The following PHC3 variants were observed in gnomAD, a reference collection of about 807,000 sequenced individuals.
PHC3 encodes polyhomeotic homolog 3, also known as polyhomeotic-like protein 3.
PHC3 carries 13 observed loss-of-function variants against 107.4 expected under a neutral mutation model. The observed-to-expected ratio is 0.12, with a 90% confidence interval of 0.08 to 0.19. The LOEUF (loss-of-function observed/expected upper bound fraction) is 0.19. Ranked by LOEUF, PHC3 falls within the 10% of genes least tolerant of loss-of-function variation. The probability of loss-of-function intolerance (pLI) is 1.00; values close to 1 mark genes in which losing one functional copy is unlikely to be tolerated. For synonymous variants in PHC3, 456 were observed against 427.4 expected, an observed-to-expected ratio of 1.07 and a Z score of -0.83; for missense variants, 992 against 1,210.9, an observed-to-expected ratio of 0.82 and a Z score of 2.68.
At chr3:170,116,510 T>G (rs992900353) in intron 10 of PHC3, among the ~76,000 whole-genome samples, 2 of 152,118 alleles carry the variant, frequency 1.3e-5, no homozygotes, top group Non-Finnish European at 2.9e-5. Context: ...GAGGTTGCAG[T>G]GAGCTGAAAC....
chr3:170,125,915 C>T (rs1250791053), intron 8 of PHC3: 1 of 837,244 alleles, frequency 1.2e-6, no homozygotes, highest in Non-Finnish European at 1.4e-6. Flanking sequence ...TACTGTTTAG[C>T]TCATAACTAT....
Position 170,091,008 on chromosome 3 carries a change from C to T in PHC3, c.*6222G>A, listed in dbSNP as rs1714039272. The stretch of plus-strand genomic sequence containing the variant: ...TTACTTTAGGCAAGACTAAAAAATT[C>T]TTTCTAAAACAGGTTGATGTTTAAC... On this transcript the variant is annotated 3_prime_UTR_variant, in exon 15 of 15. Coordinates refer to ENST00000495893, the MANE Select transcript of PHC3 (RefSeq NM_024947.4). The T allele has an allele frequency of 6.6e-6, 1 of 152,130 alleles. No individual in the cohort carries two copies. Among genetic ancestry groups the T allele is most frequent in the African/African-American group, 2.4e-5 (1 of 41,422 alleles). 9.4% of individuals were successfully genotyped at this position (152,130 alleles called of 1,614,324 possible). A position where few individuals can be genotyped will look rare whatever the true frequency, so the allele number is the denominator to read the frequency against.
chr3:170,090,880 T>C lies in PHC3; in HGVS notation c.*6350A>G, dbSNP rs900761551. The C allele has an allele frequency of 6.6e-6, 1 of 152,204 alleles. No homozygotes were observed. The highest frequency in any genetic ancestry group is 1.5e-5 in the Non-Finnish European group (1 of 68,036). The allele number at this position is 152,204 out of a possible 1,614,324, so 9.4% of individuals were successfully genotyped here. A position where few individuals can be genotyped will look rare whatever the true frequency, so the allele number is the denominator to read the frequency against. On this transcript the variant is annotated 3_prime_UTR_variant, in exon 15 of 15. Transcript: ENST00000495893. Reference sequence around the variant, plus strand: ...ATCATCATCTTAATTCATTATTTACTACTGAAATAGATTATTTACTGATTA... The same window carrying C: ...ATCATCATCTTAATTCATTATTTACCACTGAAATAGATTATTTACTGATTA...
At position 170,136,386 on chromosome 3, in the gene PHC3, A is replaced by C. The variant is rs1329203292; in HGVS notation, c.919+33T>G. On this transcript the variant is annotated intron_variant, in intron 7 of 14. Transcript: ENST00000495893. ...GCTCTGTCTGCTAAGAAAATGAATA[A>C]TACAACTATTTTCAACAAAAGTTTT... 2.5e-6 allele frequency: 4 copies of C among 1,611,822 alleles called. No homozygotes were observed. In the Admixed American group the frequency reaches 6.7e-5, roughly 27 times the overall value.
intron 1 of PHC3, among the ~76,000 whole-genome samples, chr3:170,181,409 TC>T (rs904723592): frequency 6.6e-6 from 1 of 152,020 alleles, no homozygotes; most frequent in Non-Finnish European, 1.5e-5. Context: ...CCGGGCTCGT[TC>T]CCCGGAAAAC....
At chr3:170,166,534 C>A (rs1413692446) in intron 4 of PHC3, among the ~76,000 whole-genome samples, 1 of 152,000 alleles carries the variant, frequency 6.6e-6, no homozygotes, top group Non-Finnish European at 1.5e-5. Flanking sequence ...TTTAACTAAT[C>A]CTCAATTAAT....
rs758970050 is a variant in PHC3 at position 170,178,956 on chromosome 3, GTGTT to G, written c.15-22_15-19del. On this transcript the variant is annotated intron_variant, in intron 1 of 14. Transcript: ENST00000495893. ...CCTTAAATCTGGCAGGTCACACAAA[GTGTT>G]TGTATTGGTAAAAGCATTATCTTAT... 1 of 1,601,914 alleles carries G rather than the reference GTGTT, an allele frequency of 6.2e-7. No homozygotes were observed. Among genetic ancestry groups the G allele is most frequent in the East Asian group, 2.2e-5 (1 of 44,726 alleles).
chr3:170,164,376 A>C (rs1006138574), intron 4 of PHC3, among the ~76,000 whole-genome samples: 12 of 152,214 alleles, frequency 7.9e-5, no homozygotes, highest in Admixed American at 7.9e-4. Context: ...TAACAAAATA[A>C]AGCTCTTCAA....
At chr3:170,179,448 TA>T (rs998397169) in intron 1 of PHC3, among the ~76,000 whole-genome samples, 2 of 152,184 alleles carry the variant, frequency 1.3e-5, no homozygotes, top group African/African-American at 4.8e-5. Context: ...AAGTTCTTTT[TA>T]AAAAATGTTA....
intron 12 of PHC3, among the ~76,000 whole-genome samples, chr3:170,106,264 C>G (rs1716502649): frequency 6.6e-6 from 1 of 152,056 alleles, no homozygotes; most frequent in African/African-American, 2.4e-5. Flanking sequence ...GAAATAATGA[C>G]TATTGAAAAT....
chr3:170,158,055 T>A (rs1178029820), intron 4 of PHC3, among the ~76,000 whole-genome samples: 1 of 151,922 alleles, frequency 6.6e-6, no homozygotes, highest in Non-Finnish European at 1.5e-5. Context: ...CATTTGCTTA[T>A]CCCTCCTACT....
intron 5 of PHC3, among the ~76,000 whole-genome samples, 179 bp from the exon 6 acceptor site, chr3:170,145,700 A>C (rs1445816482): frequency 6.6e-6 from 1 of 152,268 alleles, no homozygotes; most frequent in African/African-American, 2.4e-5. Context: ...GAACTCAAAA[A>C]AAATCATAAA....
chr3:170,157,958 G>A (rs563505872), intron 4 of PHC3, among the ~76,000 whole-genome samples: 47 of 151,896 alleles, frequency 3.1e-4, no homozygotes, highest in African/African-American at 1.1e-3. Flanking sequence ...CAAGAGAAAA[G>A]TAGTTTTTAA....
intron 2 of PHC3, among the ~76,000 whole-genome samples, chr3:170,174,854 T>A (rs1730169032): frequency 6.6e-6 from 1 of 152,224 alleles, no homozygotes; most frequent in Admixed American, 6.5e-5. Context: ...TATAACAATA[T>A]ACCTTTTTTA....
intron 8 of PHC3, among the ~76,000 whole-genome samples, chr3:170,123,192 CT>C (rs1342139510): frequency 6.6e-6 from 1 of 152,114 alleles, no homozygotes; most frequent in Non-Finnish European, 1.5e-5. Flanking sequence ...ATCCCAGGCT[CT>C]TCCTTATTAT....
intron 6 of PHC3, among the ~76,000 whole-genome samples, chr3:170,140,222 A>G (rs770305734): frequency 2.8e-4 from 42 of 148,506 alleles, no homozygotes; most frequent in South Asian, 6.6e-4. Context: ...AGAATTGAGG[A>G]AAAAAACAGC....
chr3:170,168,664 G>C (rs1729106961), intron 4 of PHC3, among the ~76,000 whole-genome samples: 2 of 145,890 alleles, frequency 1.4e-5, no homozygotes, highest in Admixed American at 7.2e-5. Flanking sequence ...TGATGCAGGA[G>C]AATGGCGTGA....
chr3:170,097,982 T>C lies in PHC3; in HGVS notation c.2834-598A>G, dbSNP rs1441864485. 1.3e-5 allele frequency among the ~76,000 whole-genome samples: 2 copies of C among 152,168 alleles called. No individual in the cohort carries two copies. Among genetic ancestry groups the C allele is most frequent in the African/African-American group, 4.8e-5 (2 of 41,454 alleles). On this transcript the variant is annotated intron_variant, in intron 14 of 14. Transcript: ENST00000495893. The surrounding 1 kb of genome is among the most constrained non-coding windows in gnomAD (Gnocchi z 4.1). ...TATTACCAATCTATTGCAATGCTGC[T>C]GAAATGTATTACGCTGCTTGACTTG...
chr3:170,180,570 T>TG lies in PHC3; in HGVS notation c.14+1131_14+1132insC, dbSNP rs528422328. 8.4e-4 allele frequency among the ~76,000 whole-genome samples: 127 copies of TG among 151,668 alleles called. 1 individual carries two copies. In the East Asian group the frequency reaches 0.018, roughly 22 times the overall value. ...CATACATTTTTATGCTTCTGTTTTT[T>TG]TTTTTTTTTTCCAAACTGCCTTCCA... On this transcript the variant is annotated intron_variant, in intron 1 of 14. Transcript: ENST00000495893.
Sources: gnomAD v4.1 joint callset for allele counts (sites outside exome capture counted in the v4.1 genomes callset) on GRCh38, gnomAD v4.1.1 for gene constraint, Gnocchi (gnomAD v3.1) non-coding constraint, MANE v1.5 for transcripts, NCBI Gene and HGNC (gene_info 2026-07-23, HGNC 2026-07-21) for gene names.